The following XKR4 variants were observed in gnomAD, a reference collection of about 807,000 sequenced individuals.
The protein encoded by XKR4 is XK related 4, also known as XK-related protein 4.
A neutral mutation model predicts 53.9 loss-of-function variants in XKR4; 12 were observed. That is an observed-to-expected ratio of 0.22 (90% CI 0.14 to 0.36). The LOEUF is 0.36. Among genes scored for constraint, XKR4 ranks in the 10% least tolerant of loss-of-function variants. XKR4 has a pLI of 1.00. For missense variants in XKR4, 799 were observed against 859.5 expected (o/e 0.93, Z 0.88); for synonymous variants, 354 against 362.4 (o/e 0.98, Z 0.26).
chr8:55,375,846 C>T (rs528383436), intron 2 of XKR4, among the ~76,000 whole-genome samples: 10 of 152,026 alleles, frequency 6.6e-5, no homozygotes, highest in South Asian at 2.1e-4. Context: ...TATTAAGCCC[C>T]GCATGCGTTA....
intron 1 of XKR4, among the ~76,000 whole-genome samples, chr8:55,343,414 T>A (rs1239159369): frequency 2.0e-5 from 3 of 152,226 alleles, no homozygotes; most frequent in African/African-American, 7.2e-5. Context: ...GGCAGGCTGT[T>A]GGCACAGGGA....
At chr8:55,414,355 A>G (rs1214370196) in intron 2 of XKR4, among the ~76,000 whole-genome samples, 1 of 152,134 alleles carries the variant, frequency 6.6e-6, no homozygotes, top group Non-Finnish European at 1.5e-5. Flanking sequence ...TTCAAAAAGT[A>G]ATAGCATTGA....
At chr8:55,187,951 C>T (rs950091690) in intron 1 of XKR4, among the ~76,000 whole-genome samples, 1 of 152,166 alleles carries the variant, frequency 6.6e-6, no homozygotes, top group Non-Finnish European at 1.5e-5. Context: ...TGAGTTTTCT[C>T]TATGTACTTG....
Position 55,466,136 on chromosome 8 carries a change from G to T in XKR4, c.1007-57145G>T, listed in dbSNP as rs974865357. Among the ~76,000 whole-genome samples, 4 of 152,096 alleles carry T rather than the reference G, an allele frequency of 2.6e-5. No homozygotes were observed. In the South Asian group the frequency reaches 8.3e-4, roughly 32 times the overall value. Reference sequence around the variant, plus strand: ...ATTTGACCCAGCCATCTCATTACTGGGTATATACCCAAAGGATTATAAATC... The same window carrying T: ...ATTTGACCCAGCCATCTCATTACTGTGTATATACCCAAAGGATTATAAATC... On this transcript the variant is annotated intron_variant, in intron 2 of 2. Coordinates refer to ENST00000327381, the MANE Select transcript of XKR4 (RefSeq NM_052898.2).
In XKR4 at chr8:55,454,501, G is replaced by T. The variant is rs576820829; in HGVS notation, c.1007-68780G>T. On this transcript the variant is annotated intron_variant, in intron 2 of 2. Transcript: ENST00000327381. ...GGGTGGCACAGACCAAAGACAGTACGTTGGTGATGCCCAGCTGGCGGAAGA... is the reference window on the plus strand; with the variant it reads ...GGGTGGCACAGACCAAAGACAGTACTTTGGTGATGCCCAGCTGGCGGAAGA... 129 of 1,235,008 alleles carry T rather than the reference G, an allele frequency of 1.0e-4. 1 individual carries two copies. The South Asian group carries it at 1.6e-3, about 15-fold the overall frequency. 76.5% of individuals were successfully genotyped at this position (1,235,008 alleles called of 1,614,324 possible).
chr8:55,375,789 A>G (rs964991188), intron 2 of XKR4, among the ~76,000 whole-genome samples: 3 of 151,782 alleles, frequency 2.0e-5, no homozygotes, highest in African/African-American at 4.8e-5. Flanking sequence ...TACAGGTAGC[A>G]ATGTGTGCCA....
intron 1 of XKR4, among the ~76,000 whole-genome samples, chr8:55,343,702 A>G (rs543897164): frequency 6.6e-6 from 1 of 152,252 alleles, no homozygotes; most frequent in South Asian, 2.1e-4. Context: ...CACAACCACT[A>G]AAGTATTTCA....
In XKR4 at chr8:55,530,077, A is replaced by T. The variant is rs1023230770; in HGVS notation, c.*5850A>T. ...GAAAAAAAACTAAACCCCATTACTT[A>T]CTTTGGCATTTTGACAAGATAGAGA... is the stretch of plus-strand genomic sequence containing the variant. On this transcript the variant is annotated 3_prime_UTR_variant, in exon 3 of 3. Transcript: ENST00000327381. 2.0e-5 allele frequency: 3 copies of T among 151,718 alleles called. No individual in the cohort carries two copies. Among genetic ancestry groups the T allele is most frequent in the African/African-American group, 7.3e-5 (3 of 41,282 alleles). 9.4% of individuals were successfully genotyped at this position (151,718 alleles called of 1,614,324 possible). A position where few individuals can be genotyped will look rare whatever the true frequency, so the allele number is the denominator to read the frequency against.
chr8:55,529,173 A>G lies in XKR4; in HGVS notation c.*4946A>G, dbSNP rs1806916083. ...TTTGCTAATTGAAGCAATTAGTCTA[A>G]CATGCAAGCAGCCTGCTCTCACAGC... On this transcript the variant is annotated 3_prime_UTR_variant, in exon 3 of 3. Coordinates refer to ENST00000327381, the MANE Select transcript of XKR4 (RefSeq NM_052898.2). 1 of 151,828 alleles carries G rather than the reference A, an allele frequency of 6.6e-6. No homozygotes were observed. Among genetic ancestry groups the G allele is most frequent in the South Asian group, 2.1e-4 (1 of 4,798 alleles). 9.4% of individuals were successfully genotyped at this position (151,828 alleles called of 1,614,324 possible).
At position 55,538,184 on chromosome 8, in the gene XKR4, G is replaced by A. The variant is rs146796801; in HGVS notation, c.*13957G>A. The A allele has an allele frequency of 3.9e-5, 6 of 152,268 alleles. No individual in the cohort carries two copies. The highest frequency in any genetic ancestry group is 1.3e-4 in the Admixed American group (2 of 15,282). 9.4% of individuals were successfully genotyped at this position (152,268 alleles called of 1,614,324 possible). A position where few individuals can be genotyped will look rare whatever the true frequency, so the allele number is the denominator to read the frequency against. On this transcript the variant is annotated 3_prime_UTR_variant, in exon 3 of 3. Coordinates refer to ENST00000327381, the MANE Select transcript of XKR4 (RefSeq NM_052898.2). ...GTCAGTGACTGGGACAAAGGAACTG[G>A]GAATCTCTGCACAACTGAGCCCTAA...
chr8:55,128,829 A>G (rs1397867333), intron 1 of XKR4, among the ~76,000 whole-genome samples: 3 of 152,210 alleles, frequency 2.0e-5, no homozygotes, highest in African/African-American at 2.4e-5. Flanking sequence ...TCAAAGTGCA[A>G]ATGGCACCTG....
At chr8:55,247,104 A>G (rs1443456240) in intron 1 of XKR4, among the ~76,000 whole-genome samples, 2 of 152,292 alleles carry the variant, frequency 1.3e-5, no homozygotes, top group Middle Eastern at 3.4e-3. Flanking sequence ...CTTCTTCCTC[A>G]TGTTCCAATA....
intron 1 of XKR4, among the ~76,000 whole-genome samples, chr8:55,289,183 T>C (rs904599638): frequency 6.6e-6 from 1 of 152,168 alleles, no homozygotes; most frequent in Admixed American, 6.5e-5. Flanking sequence ...CTAAGAGTGC[T>C]ATGGCTAGGT....
At chr8:55,220,316 G>A (rs1393036497) in intron 1 of XKR4, among the ~76,000 whole-genome samples, 1 of 152,202 alleles carries the variant, frequency 6.6e-6, no homozygotes, top group East Asian at 1.9e-4. Context: ...TGTAACGAAT[G>A]TAAATGCTCT....
At chr8:55,450,321 G>A (rs984179209) in intron 2 of XKR4, 22 of 730,584 alleles carry the variant, frequency 3.0e-5, no homozygotes, top group Middle Eastern at 4.0e-4. Context: ...TCTCCTCAGC[G>A]CAGAAGTCCT....
intron 2 of XKR4, among the ~76,000 whole-genome samples, chr8:55,447,839 T>A (rs1317099940): frequency 6.6e-6 from 1 of 152,236 alleles, no homozygotes; most frequent in African/African-American, 2.4e-5. Flanking sequence ...AGTCTGAGAC[T>A]GGGGAATTTG....
At chr8:55,434,280 G>C (rs60956620) in intron 2 of XKR4, among the ~76,000 whole-genome samples, 1,770 of 152,234 alleles carry the variant, frequency 0.012, 30 homozygotes, top group African/African-American at 0.033. Flanking sequence ...AGTCTTTGTA[G>C]TTTAACCTTA....
intron 2 of XKR4, among the ~76,000 whole-genome samples, chr8:55,501,674 G>A (rs910085641): frequency 1.6e-5 from 2 of 123,868 alleles, no homozygotes; most frequent in South Asian, 6.2e-4. Context: ...TGTGTATGTT[G>A]TAAATACATA....
chr8:55,107,802 C>T (rs557163540), intron 1 of XKR4, among the ~76,000 whole-genome samples: 2 of 152,202 alleles, frequency 1.3e-5, no homozygotes, highest in African/African-American at 4.8e-5. Flanking sequence ...ATAGATTAGG[C>T]AAGATTGGTG....
Sources: allele counts gnomAD v4.1 joint callset (sites outside exome capture counted in the v4.1 genomes callset), GRCh38; gene constraint gnomAD v4.1.1; transcripts MANE v1.5; gene names NCBI Gene and HGNC (gene_info 2026-07-23, HGNC 2026-07-21).